The following TMEM132B variants were observed in gnomAD, a reference collection of about 807,000 sequenced individuals.
TMEM132B encodes transmembrane protein 132B.
A neutral mutation model predicts 90.8 loss-of-function variants in TMEM132B; 18 were observed. That is an observed-to-expected ratio of 0.20 (90% CI 0.14 to 0.29). TMEM132B has a LOEUF of 0.29. Ranked by LOEUF, TMEM132B falls within the 10% of genes least tolerant of loss-of-function variation. TMEM132B has a pLI of 1.00. For missense variants in TMEM132B, 1,096 were observed against 1,326.8 expected, an observed-to-expected ratio of 0.83 and a Z score of 2.70; for synonymous variants, 504 against 523.3, an observed-to-expected ratio of 0.96 and a Z score of 0.50.
rs909181382 is a variant in TMEM132B at position 125,652,395 on chromosome 12, G to C, written c.1915-46G>C. On this transcript the variant is annotated intron_variant, in intron 7 of 8. Coordinates refer to ENST00000682704, the MANE Select transcript of TMEM132B (RefSeq NM_001366854.1). The stretch of plus-strand genomic sequence containing the variant: ...GAGCCCCAGTTAAGGGATTCATGGT[G>C]CTCATGAGGAGCAGAGATGCATGAG... 7 of 1,511,064 alleles carry C rather than the reference G, an allele frequency of 4.6e-6. No homozygotes were observed. The African/African-American group carries it at 8.3e-5, about 18-fold the overall frequency. 93.6% of individuals were successfully genotyped at this position (1,511,064 alleles called of 1,614,324 possible). A position where few individuals can be genotyped will look rare whatever the true frequency, so the allele number is the denominator to read the frequency against.
In TMEM132B at chr12:125,406,449, G is replaced by T. The variant is rs926433429; in HGVS notation, c.960-9082G>T. On this transcript the variant is annotated intron_variant, in intron 2 of 8. Coordinates refer to ENST00000682704, the MANE Select transcript of TMEM132B (RefSeq NM_001366854.1). The surrounding 1 kb of genome is among the most constrained non-coding windows in gnomAD (Gnocchi z 8.3). ...CTTTTTCTACTGTGAAATGGGTACC[G>T]GGGAAAGGTGAGCCACAGTCTCAGT... Among the ~76,000 whole-genome samples the T allele has an allele frequency of 6.6e-6, 1 of 152,156 alleles. No homozygotes were observed. The highest frequency in any genetic ancestry group is 1.5e-5 in the Non-Finnish European group (1 of 68,012).
At chr12:125,467,929 T>C (rs947006837) in intron 3 of TMEM132B, among the ~76,000 whole-genome samples, 1 of 152,246 alleles carries the variant, frequency 6.6e-6, no homozygotes, top group Non-Finnish European at 1.5e-5. Flanking sequence ...TCTCATAGCA[T>C]GTATCAGAAC....
At chr12:125,550,271 C>T (rs1012421152) in intron 4 of TMEM132B, among the ~76,000 whole-genome samples, 16 of 152,196 alleles carry the variant, frequency 1.1e-4, no homozygotes, top group South Asian at 4.1e-4. Flanking sequence ...GGCTGGGGGG[C>T]GGGCACACCT....
At chr12:125,467,357 A>G (rs1171827599) in intron 3 of TMEM132B, among the ~76,000 whole-genome samples, 1 of 151,992 alleles carries the variant, frequency 6.6e-6, no homozygotes, top group Non-Finnish European at 1.5e-5. Flanking sequence ...TATTAGATAC[A>G]TCATCTCCTT....
chr12:125,562,040 G>A (rs1382678805), intron 4 of TMEM132B, among the ~76,000 whole-genome samples: 1 of 152,182 alleles, frequency 6.6e-6, no homozygotes, highest in African/African-American at 2.4e-5. Context: ...TGGAAGATCT[G>A]TTGTTTAAGT....
intron 4 of TMEM132B, among the ~76,000 whole-genome samples, chr12:125,528,132 C>G (rs1883543936): frequency 6.7e-6 from 1 of 149,890 alleles, no homozygotes; most frequent in Non-Finnish European, 1.5e-5. Context: ...ACAAATGTGT[C>G]TATTTCTTTT....
intron 1 of TMEM132B, among the ~76,000 whole-genome samples, chr12:125,242,870 A>G (rs1019185781): frequency 1.7e-4 from 26 of 152,176 alleles, no homozygotes; most frequent in African/African-American, 5.1e-4. Context: ...AACATTTACC[A>G]TTAGTGCCGA....
chr12:125,353,786 G>A (rs920144733), intron 2 of TMEM132B, among the ~76,000 whole-genome samples: 1 of 152,136 alleles, frequency 6.6e-6, no homozygotes, highest in African/African-American at 2.4e-5. Flanking sequence ...CAGAGCTAAG[G>A]GTTAATTTAG....
intron 1 of TMEM132B, among the ~76,000 whole-genome samples, chr12:125,240,272 GGGCTGGTTTT>G (rs1874035737): frequency 2.6e-5 from 4 of 152,120 alleles, no homozygotes; most frequent in Admixed American, 2.6e-4. Context: ...GAGTGAACTG[GGGCTGGTTTT>G]GGCCCAAGTC....
At position 125,284,409 on chromosome 12, in the gene TMEM132B, C is replaced by A. The variant is rs963161190; in HGVS notation, c.68-65043C>A. Among the ~76,000 whole-genome samples, 4 of 152,304 alleles carry A rather than the reference C, an allele frequency of 2.6e-5. No individual in the cohort carries two copies. In the East Asian group the frequency reaches 7.7e-4, roughly 29 times the overall value. ...CATGTGCTGGGCTCTGCTGTAGGCACGGAGCTGTAGCAGTGGACAGAACAA... is the reference window on the plus strand; with the variant it reads ...CATGTGCTGGGCTCTGCTGTAGGCAAGGAGCTGTAGCAGTGGACAGAACAA... On this transcript the variant is annotated intron_variant, in intron 1 of 8. Transcript: ENST00000682704.
chr12:125,646,782 G>A (rs762675686), intron 6 of TMEM132B, among the ~76,000 whole-genome samples: 4 of 152,174 alleles, frequency 2.6e-5, no homozygotes, highest in Non-Finnish European at 5.9e-5. Context: ...TATACAGAAC[G>A]TCCAGAATAT....
intron 1 of TMEM132B, among the ~76,000 whole-genome samples, chr12:125,221,358 C>T (rs1260208117): frequency 1.3e-5 from 2 of 152,152 alleles, no homozygotes; most frequent in Non-Finnish European, 2.9e-5. Flanking sequence ...ATAACACTTG[C>T]CCCTCGTCTT....
chr12:125,547,926 G>A (rs917244698), intron 4 of TMEM132B, among the ~76,000 whole-genome samples: 1 of 152,210 alleles, frequency 6.6e-6, no homozygotes, highest in Admixed American at 6.5e-5. Flanking sequence ...AATATTTAAA[G>A]GAAACTGAGC....
In TMEM132B at chr12:125,654,963, C is replaced by A. The variant is rs1302193111; in HGVS notation, c.*253C>A. ...CAACAGTTTTATGGACTGCCTGGTACGAGCTCAGTGCAAATGTATTAAACC... is the reference window on the plus strand; with the variant it reads ...CAACAGTTTTATGGACTGCCTGGTAAGAGCTCAGTGCAAATGTATTAAACC... On this transcript the variant is annotated 3_prime_UTR_variant, in exon 9 of 9. Coordinates refer to ENST00000682704, the MANE Select transcript of TMEM132B (RefSeq NM_001366854.1). This position sits in a 1 kb window ranked among gnomAD's most constrained non-coding sequence, Gnocchi z 5.8. 4.2e-5 allele frequency: 19 copies of A among 455,818 alleles called. 1 individual carries two copies. The South Asian group carries it at 5.3e-4, about 13-fold the overall frequency. The allele number at this position is 455,818 out of a possible 1,614,324, so 28.2% of individuals were successfully genotyped here.
intron 1 of TMEM132B, among the ~76,000 whole-genome samples, chr12:125,279,454 G>T (rs1027118044): frequency 6.6e-5 from 10 of 152,144 alleles, no homozygotes; most frequent in African/African-American, 2.4e-4. Context: ...CTGGAATATG[G>T]GTACATGCTA....
intron 1 of TMEM132B, among the ~76,000 whole-genome samples, chr12:125,263,835 T>C (rs1369024873): frequency 6.6e-6 from 1 of 152,202 alleles, no homozygotes; most frequent in Non-Finnish European, 1.5e-5. Flanking sequence ...CAACCAGATG[T>C]AGAAAGTCAC....
At chr12:125,537,478 T>C (rs914338691) in intron 4 of TMEM132B, among the ~76,000 whole-genome samples, 4 of 152,160 alleles carry the variant, frequency 2.6e-5, no homozygotes, top group African/African-American at 9.7e-5. Flanking sequence ...GCCTTGTTGT[T>C]GGTCTGTGGC....
chr12:125,630,348 T>C (rs1886334520), intron 5 of TMEM132B, among the ~76,000 whole-genome samples: 1 of 152,086 alleles, frequency 6.6e-6, no homozygotes, highest in South Asian at 2.1e-4. Context: ...TTTGGATTTC[T>C]TCATGATTCA....
intron 2 of TMEM132B, among the ~76,000 whole-genome samples, chr12:125,391,379 G>A (rs1311317861): frequency 6.6e-6 from 1 of 152,228 alleles, no homozygotes; most frequent in Non-Finnish European, 1.5e-5. Context: ...GCCTGTGGGT[G>A]TTAGTTGCCA....
Sources: gnomAD v4.1 joint callset for allele counts (sites outside exome capture counted in the v4.1 genomes callset) on GRCh38, gnomAD v4.1.1 for gene constraint, Gnocchi (gnomAD v3.1) non-coding constraint, MANE v1.5 for transcripts, NCBI Gene and HGNC (gene_info 2026-07-23, HGNC 2026-07-21) for gene names.